Variants in GALM observed in about 807,000 individuals in gnomAD.
GALM encodes the protein galactose mutarotase.
Under a neutral mutation model 37.4 loss-of-function variants are expected in GALM, and 43 were observed. That is an observed-to-expected ratio of 1.15 (90% confidence interval 0.90 to 1.48). The LOEUF (loss-of-function observed/expected upper bound fraction) is 1.48. Ranked by LOEUF, GALM falls within the 40% of genes most tolerant of loss-of-function variation. The pLI is 0.00. For missense variants in GALM, 456 were observed against 419.1 expected, an observed-to-expected ratio of 1.09 and a Z score of -0.77; for synonymous variants, 199 against 170.6, an observed-to-expected ratio of 1.17 and a Z score of -1.30.
intron 4 of GALM, among the ~76,000 whole-genome samples, chr2:38,708,861 C>T (rs1470254327): frequency 6.6e-6 from 1 of 151,654 alleles, no homozygotes; most frequent in African/African-American, 2.4e-5. Context: ...AGGAGAGGAG[C>T]TGATTTAGGA....
intron 4 of GALM, among the ~76,000 whole-genome samples, chr2:38,699,292 A>G (rs1032915132): frequency 1.6e-4 from 25 of 152,326 alleles, no homozygotes; most frequent in African/African-American, 5.8e-4. Flanking sequence ...ACATATTTAC[A>G]GGGTACACTG....
At chr2:38,719,936 G>T (rs367647867) in intron 4 of GALM, among the ~76,000 whole-genome samples, 17 of 151,768 alleles carry the variant, frequency 1.1e-4, no homozygotes, top group African/African-American at 4.1e-4. Flanking sequence ...TTTTGGCCAG[G>T]CGCGTTGGCT....
chr2:38,670,279 T>C (rs943130248), intron 1 of GALM, among the ~76,000 whole-genome samples: 3 of 152,212 alleles, frequency 2.0e-5, no homozygotes, highest in African/African-American at 7.2e-5. Flanking sequence ...CATACAATCA[T>C]TGAAACGCCT....
intron 2 of GALM, among the ~76,000 whole-genome samples, chr2:38,677,202 G>A (rs1275401356): frequency 1.3e-5 from 2 of 152,244 alleles, no homozygotes; most frequent in African/African-American, 4.8e-5. Context: ...TTCAGGCTGT[G>A]CAGGAGTAAA....
chr2:38,669,895 CTTTT>C (rs35676843), intron 1 of GALM, among the ~76,000 whole-genome samples: 92 of 135,122 alleles, frequency 6.8e-4, no homozygotes, highest in African/African-American at 1.3e-3. Flanking sequence ...AAAAGTTTTT[CTTTT>C]TTTTTTTTTT....
chr2:38,679,735 T>C (rs563729598), intron 2 of GALM, among the ~76,000 whole-genome samples: 2 of 152,264 alleles, frequency 1.3e-5, no homozygotes, highest in African/African-American at 4.8e-5. Flanking sequence ...TGCCACACAC[T>C]AGCTGTGTGG....
rs796150100 is a variant in GALM, at chr2:38,675,518, G to GGT, written c.191-394_191-393insGT. Among the ~76,000 whole-genome samples, 59 of 104,952 alleles carry GGT rather than the reference G, an allele frequency of 5.6e-4. 2 individuals are homozygous for GGT. Among genetic ancestry groups the GGT allele is most frequent in the Middle Eastern group, 5.0e-3 (1 of 200 alleles). 68.9% of individuals were successfully genotyped at this position (104,952 alleles called of 152,430 possible). A position where few individuals can be genotyped will look rare whatever the true frequency, so the allele number is the denominator to read the frequency against. On this transcript the variant is annotated intron_variant, in intron 1 of 6. Transcript: ENST00000272252. ...CATGCAACACACCTTTGGATTGAGG[G>GGT]TTTTTTTGTTTTTTTTTTTTTTTTT...
At chr2:38,687,224 G>A (rs1457666111) in intron 3 of GALM, among the ~76,000 whole-genome samples, 1 of 152,232 alleles carries the variant, frequency 6.6e-6, no homozygotes, top group Non-Finnish European at 1.5e-5. Context: ...GAGCCGCACA[G>A]AAGAGACATC....
chr2:38,729,579 A>C lies in GALM; in HGVS notation c.658A>C (p.Thr220Pro). Residue 220 changes from threonine (T) to proline (P), a missense_variant, in exon 5 of 7, where the codon ACT (threonine) becomes CCT (proline). Coordinates refer to ENST00000272252, the MANE Select transcript of GALM (RefSeq NM_138801.3). ...PTGEVAPVQG[T>P]AFDLRKPVEL... ...AGGAGAAGTTGCCCCAGTGCAAGGC[A>C]CTGCATTCGACCTGAGAAAGCCAGT... 2 of 1,613,664 alleles carry C rather than the reference A, an allele frequency of 1.2e-6. No homozygotes were observed. The highest frequency in any genetic ancestry group is 1.7e-6 in the Non-Finnish European group (2 of 1,179,728).
At position 38,731,766 on chromosome 2, in the gene GALM, G is replaced by A. The variant is rs1666614602; in HGVS notation, c.808G>A (p.Glu270Lys). 1 of 1,614,034 alleles carries A rather than the reference G, an allele frequency of 6.2e-7. No homozygotes were observed. Among genetic ancestry groups the A allele is most frequent in the South Asian group, 1.1e-5 (1 of 91,070 alleles). The change falls in exon 6 of 7, where the codon GAA becomes AAA. Residue 270 changes from glutamate to lysine, a missense_variant. Transcript: ENST00000272252. Reference protein sequence around the residue: ...VHHAASGRVLEVYTTQPGVQF... With the variant: ...VHHAASGRVLKVYTTQPGVQF... ...TCATGCTGCAAGCGGGCGGGTACTA[G>A]AAGTATACACCACCCAGCCCGGGGT...
At chr2:38,720,073 G>A (rs985029044) in intron 4 of GALM, among the ~76,000 whole-genome samples, 3 of 151,930 alleles carry the variant, frequency 2.0e-5, no homozygotes, top group Non-Finnish European at 4.4e-5. Flanking sequence ...TTAGCCAGGC[G>A]CAATGGCACA....
chr2:38,689,158 A>C (rs951713556), intron 3 of GALM, among the ~76,000 whole-genome samples: 1 of 152,190 alleles, frequency 6.6e-6, no homozygotes, highest in African/African-American at 2.4e-5. Flanking sequence ...ATGAGAGTCT[A>C]TGAGGTTAAA....
intron 4 of GALM, among the ~76,000 whole-genome samples, chr2:38,705,718 G>C (rs982434624): frequency 6.6e-6 from 1 of 152,222 alleles, no homozygotes; most frequent in African/African-American, 2.4e-5. Flanking sequence ...TGCATGTGCA[G>C]GGTCAGCACC....
rs780246006 is a variant in GALM, at chr2:38,666,245, C to T, written c.84C>T (p.Leu28=). The T allele has an allele frequency of 6.2e-7, 1 of 1,614,100 alleles. No homozygotes were observed. The highest frequency in any genetic ancestry group is 8.5e-7 in the Non-Finnish European group (1 of 1,179,934). Residue 28 remains leucine, a synonymous_variant, in exon 1 of 7, where the codon CTC becomes CTT. Coordinates refer to ENST00000272252, the MANE Select transcript of GALM (RefSeq NM_138801.3). ...AGAAGTTCCAGCTGCAGTCAGACCT[C>T]TTGAGAGTGGACATCATCTCCTGGG... ...TVEKFQLQSD[L]LRVDIISWGC...
intron 4 of GALM, among the ~76,000 whole-genome samples, chr2:38,709,814 A>G (rs1361204164): frequency 6.6e-6 from 1 of 152,240 alleles, no homozygotes; most frequent in African/African-American, 2.4e-5. Flanking sequence ...TAAAATAACA[A>G]CAGGCATTCT....
At chr2:38,717,968 AG>A (rs1451058916) in intron 4 of GALM, among the ~76,000 whole-genome samples, 1 of 149,824 alleles carries the variant, frequency 6.7e-6, no homozygotes, top group Admixed American at 6.7e-5. Context: ...CCAAGTAGTT[AG>A]GACTACAGGC....
chr2:38,727,988 T>C (rs899040996), intron 4 of GALM, among the ~76,000 whole-genome samples: 8 of 152,212 alleles, frequency 5.3e-5, no homozygotes, highest in Non-Finnish European at 7.3e-5. Context: ...GTTCCTAAAA[T>C]TGCCATTTGA....
At position 38,729,554 on chromosome 2, in the gene GALM, A is replaced by G. The variant is rs1268791597; in HGVS notation, c.635-2A>G. ...CCTTTGTTTTCTGTCTCTTCCCATC[A>G]GGAGAAGTTGCCCCAGTGCAAGGCA... On this transcript the variant is annotated splice_acceptor_variant, in intron 4 of 6. Transcript: ENST00000272252. LOFTEE classifies it high-confidence loss of function. The G allele has an allele frequency of 1.2e-6, 2 of 1,612,794 alleles. No homozygotes were observed. Among genetic ancestry groups the G allele is most frequent in the South Asian group, 1.1e-5 (1 of 90,952 alleles).
intron 3 of GALM, among the ~76,000 whole-genome samples, chr2:38,688,577 C>T (rs1428007061): frequency 6.6e-6 from 1 of 152,014 alleles, no homozygotes; most frequent in Non-Finnish European, 1.5e-5. Context: ...AATTGAGAAC[C>T]ACTAGTTTAG....
Sources: gnomAD v4.1 joint callset for allele counts (sites outside exome capture counted in the v4.1 genomes callset) on GRCh38, gnomAD v4.1.1 for gene constraint, MANE v1.5 for transcripts, NCBI Gene and HGNC (gene_info 2026-07-23, HGNC 2026-07-21) for gene names.